Variants in ZNF684 observed in about 807,000 individuals in gnomAD.
The protein encoded by ZNF684 is zinc finger protein 684.
ZNF684 carries 13 observed loss-of-function variants against 12.8 expected under a neutral mutation model. That is an observed-to-expected ratio of 1.02 (90% CI 0.66 to 1.62). The LOEUF is 1.62. ZNF684 is among the 40% of genes most tolerant of loss of function. The pLI is 0.00. For synonymous variants in ZNF684, 118 were observed against 151.8 expected (o/e 0.78, Z 1.64); for missense variants, 384 against 446.9 (o/e 0.86, Z 1.27).
intron 2 of ZNF684, among the ~76,000 whole-genome samples, chr1:40,539,682 C>T (rs1310342661): frequency 2.0e-5 from 3 of 151,878 alleles, no homozygotes; most frequent in Non-Finnish European, 4.4e-5. Context: ...ATTATGGTTT[C>T]GATTTGCATT....
intron 4 of ZNF684, 69 bp downstream of exon 4, chr1:40,541,779 G>A (rs1646018027): frequency 1.5e-6 from 2 of 1,291,970 alleles, no homozygotes; most frequent in Non-Finnish European, 2.2e-6. Flanking sequence ...GGGACAGGAA[G>A]TTCTGAAATA....
chr1:40,539,282 GC>G (rs1367744457), intron 2 of ZNF684, among the ~76,000 whole-genome samples: 3 of 152,086 alleles, frequency 2.0e-5, no homozygotes, highest in African/African-American at 7.2e-5. Context: ...ACCTGCCTCG[GC>G]CTCCCAAAGT....
chr1:40,539,574 G>GT (rs373984379), intron 2 of ZNF684, among the ~76,000 whole-genome samples: 3 of 152,282 alleles, frequency 2.0e-5, no homozygotes, highest in African/African-American at 7.2e-5. Context: ...CAGGAGTTGA[G>GT]TAACGTACAA....
At chr1:40,532,004 A>G (rs1187631210) in intron 1 of ZNF684, among the ~76,000 whole-genome samples, 2 of 152,122 alleles carry the variant, frequency 1.3e-5, no homozygotes, top group Non-Finnish European at 2.9e-5. Context: ...GAGAGGCTCA[A>G]TTTGCATTCC....
rs1646058087 is a variant in ZNF684, at chr1:40,547,772, T to G, written c.*312T>G. The G allele has an allele frequency of 5.1e-6, 1 of 195,736 alleles. No individual in the cohort carries two copies. The highest frequency in any genetic ancestry group is 2.4e-5 in the African/African-American group (1 of 42,472). The allele number at this position is 195,736 out of a possible 1,614,324, so 12.1% of individuals were successfully genotyped here. ...TTATAATAAAATAATTATGCAAGTG[T>G]GAGTTTAAAATATATGCTTATACAT... On this transcript the variant is annotated 3_prime_UTR_variant, in exon 5 of 5. Transcript: ENST00000372699.
intron 2 of ZNF684, among the ~76,000 whole-genome samples, chr1:40,535,854 G>A (rs1258067566): frequency 1.3e-5 from 2 of 152,054 alleles, no homozygotes; most frequent in African/African-American, 4.8e-5. Flanking sequence ...AGATTTGAAG[G>A]TCATACAGCC....
At chr1:40,534,715 G>A (rs1042407424) in intron 2 of ZNF684, among the ~76,000 whole-genome samples, 7 of 151,686 alleles carry the variant, frequency 4.6e-5, no homozygotes, top group Non-Finnish European at 1.0e-4. Context: ...TCTCTTGGCT[G>A]GGCATGGTGG....
At chr1:40,544,271 G>T in intron 4 of ZNF684, 1 of 253,188 alleles carries the variant, frequency 3.9e-6, no homozygotes, top group Non-Finnish European at 8.0e-6. Context: ...AAGGTAGTTG[G>T]AACAGCAAAA....
intron 2 of ZNF684, among the ~76,000 whole-genome samples, chr1:40,535,250 A>C (rs1570105761): frequency 1.3e-5 from 2 of 152,256 alleles, no homozygotes; most frequent in Admixed American, 1.3e-4. Context: ...TGGTTGCAGA[A>C]CTCCTGCAGA....
At chr1:40,534,456 G>C (rs1468880600) in intron 2 of ZNF684, among the ~76,000 whole-genome samples, 1 of 150,874 alleles carries the variant, frequency 6.6e-6, no homozygotes, top group African/African-American at 2.4e-5. Context: ...GGTCAGGCTG[G>C]TCTCGAACTC....
At chr1:40,538,066 G>A (rs1161427766) in intron 2 of ZNF684, among the ~76,000 whole-genome samples, 2 of 152,008 alleles carry the variant, frequency 1.3e-5, no homozygotes, top group Non-Finnish European at 2.9e-5. Flanking sequence ...GTCTCACTGT[G>A]TTGTAGCTTC....
chr1:40,537,140 AGT>A (rs1442476441), intron 2 of ZNF684, among the ~76,000 whole-genome samples: 4 of 152,166 alleles, frequency 2.6e-5, no homozygotes. Context: ...ACAGTGTAAA[AGT>A]GTTCCCATTT....
chr1:40,537,104 GT>G, intron 2 of ZNF684, among the ~76,000 whole-genome samples: 1 of 152,270 alleles, frequency 6.6e-6, no homozygotes, highest in Non-Finnish European at 1.5e-5. Flanking sequence ...CTTCCACAAT[GT>G]TTGAACTAGT....
chr1:40,532,645 C>CAA (rs533666037), intron 1 of ZNF684, among the ~76,000 whole-genome samples: 26 of 140,130 alleles, frequency 1.9e-4, no homozygotes, highest in Admixed American at 4.3e-4. Flanking sequence ...TCCAGCTTAA[C>CAA]AAAAAAAAAA....
chr1:40,547,354 G>C lies in ZNF684; in HGVS notation c.1031G>C (p.Arg344Thr), dbSNP rs767836587. The C allele has an allele frequency of 1.9e-6, 3 of 1,613,832 alleles. No homozygotes were observed. Among genetic ancestry groups the C allele is most frequent in the Admixed American group, 1.7e-5 (1 of 59,968 alleles). ...KAFIKKSHLL[R>T]HQITHTGEKP... The stretch of plus-strand genomic sequence containing the variant: ...TTCATCAAGAAGTCCCATCTCCTCA[G>C]ACATCAGATAACTCATACAGGAGAG... Residue 344 changes from arginine (R) to threonine (T), a missense_variant, in exon 5 of 5, where the codon AGA becomes ACA. Coordinates refer to ENST00000372699, the MANE Select transcript of ZNF684 (RefSeq NM_152373.4).
intron 1 of ZNF684, among the ~76,000 whole-genome samples, chr1:40,532,872 C>G (rs1645965286): frequency 6.6e-6 from 1 of 152,152 alleles, no homozygotes; most frequent in Non-Finnish European, 1.5e-5. Flanking sequence ...ATAACTGTTT[C>G]AAGAGGAACC....
intron 2 of ZNF684, among the ~76,000 whole-genome samples, chr1:40,533,928 A>G (rs1309098918): frequency 6.7e-6 from 1 of 149,168 alleles, no homozygotes; most frequent in Non-Finnish European, 1.5e-5. Flanking sequence ...GGTTCAAGCG[A>G]TTCTCCTGCC....
intron 4 of ZNF684, among the ~76,000 whole-genome samples, chr1:40,545,659 C>T (rs1003139989): frequency 1.3e-5 from 2 of 152,108 alleles, no homozygotes; most frequent in African/African-American, 4.8e-5. Flanking sequence ...GGAGCCATGA[C>T]TACAGACATG....
At chr1:40,540,300 G>A (rs1042733180) in intron 2 of ZNF684, among the ~76,000 whole-genome samples, 12 of 152,262 alleles carry the variant, frequency 7.9e-5, no homozygotes, top group Admixed American at 4.6e-4. Flanking sequence ...AATGGATGGG[G>A]AGTTCAGTGT....
Sources: allele counts gnomAD v4.1 joint callset (sites outside exome capture counted in the v4.1 genomes callset), GRCh38; gene constraint gnomAD v4.1.1; transcripts MANE v1.5; gene names NCBI Gene and HGNC (gene_info 2026-07-23, HGNC 2026-07-21).